Variants in LIMCH1 observed in about 807,000 individuals in gnomAD.
LIMCH1 encodes the protein LIM and calponin homology domains 1, also known as LIM and calponin homology domains-containing protein 1.
A neutral mutation model predicts 176.5 loss-of-function variants in LIMCH1; 113 were observed. The ratio of observed to expected loss-of-function variants is 0.64; its 90% CI spans 0.55 to 0.75. The LOEUF (loss-of-function observed/expected upper bound fraction) is 0.75, where lower values mean the gene tolerates loss of function less well. LIMCH1 is among the 30% of genes least tolerant of loss of function. The probability of loss-of-function intolerance (pLI) is 0.00; values close to 1 mark genes in which losing one functional copy is unlikely to be tolerated. For missense variants in LIMCH1, 1,674 were observed against 1,814.9 expected (o/e 0.92, Z 1.41); for synonymous variants, 619 against 645.9 (o/e 0.96, Z 0.63).
intron 1 of LIMCH1, among the ~76,000 whole-genome samples, chr4:41,404,481 A>G (rs1418702013): frequency 2.6e-5 from 4 of 152,118 alleles, no homozygotes; most frequent in African/African-American, 9.7e-5. Context: ...TTTCTTTTAA[A>G]AAAATTGATT....
At chr4:41,435,886 A>G (rs2062028461) in intron 1 of LIMCH1, among the ~76,000 whole-genome samples, 1 of 152,166 alleles carries the variant, frequency 6.6e-6, no homozygotes, top group Non-Finnish European at 1.5e-5. Context: ...TATTGTAGCA[A>G]CTTATTGACA....
chr4:41,646,263 A>C lies in LIMCH1; in HGVS notation c.2394A>C (p.Arg798Ser). The C allele has an allele frequency of 3.1e-6, 5 of 1,609,742 alleles. No homozygotes were observed. Among genetic ancestry groups the C allele is most frequent in the Admixed American group, 1.7e-5 (1 of 58,962 alleles). The change falls in exon 16 of 32, where the codon AGA becomes AGC. Residue 798 changes from arginine to serine, a missense_variant. Arg to Ser is a moderately radical substitution (Grantham distance 110, BLOSUM62 -1). Around this residue, in one of 3 missense-constraint regions of LIMCH1, gnomAD observed 1,015 missense variants for 1,102.5 expected, o/e 0.92. Coordinates refer to ENST00000503057, the MANE Select transcript of LIMCH1 (RefSeq NM_001330672.2). ...SERRKSIKTYREIVQEKERRE... is the reference protein window; with the variant it reads ...SERRKSIKTYSEIVQEKERRE... ...GAAGGAAAAGCATCAAAACCTACAGAGAAATTGTTCAAGAAAAGTGAGTTC... is the reference window on the plus strand; with the variant it reads ...GAAGGAAAAGCATCAAAACCTACAGCGAAATTGTTCAAGAAAAGTGAGTTC...
chr4:41,685,977 A>G, intron 28 of LIMCH1, 147 bp downstream of exon 28: 1 of 833,208 alleles, frequency 1.2e-6, no homozygotes. Flanking sequence ...CAAGGTAGTC[A>G]ATATAAATGG....
chr4:41,616,334 C>A (rs1257096118), intron 5 of LIMCH1, among the ~76,000 whole-genome samples: 2 of 151,744 alleles, frequency 1.3e-5, no homozygotes, highest in African/African-American at 4.8e-5. Flanking sequence ...TCAAGACCAG[C>A]CTGGCCAACC....
chr4:41,457,294 G>C (rs1388517451), intron 1 of LIMCH1, among the ~76,000 whole-genome samples: 1 of 152,098 alleles, frequency 6.6e-6, no homozygotes, highest in East Asian at 1.9e-4. Flanking sequence ...AATAGGTATA[G>C]ACAGTTTATT....
In LIMCH1 at chr4:41,620,687, C is replaced by G; in HGVS notation, c.722C>G (p.Ala241Gly). The G allele has an allele frequency of 6.5e-7, 1 of 1,533,122 alleles. No homozygotes were observed. Among genetic ancestry groups the G allele is most frequent in the Middle Eastern group, 1.7e-4 (1 of 5,740 alleles). 95.0% of individuals were successfully genotyped at this position (1,533,122 alleles called of 1,614,324 possible). The stretch of plus-strand genomic sequence containing the variant: ...GTCATGCCAGCAGCACAGCGCTTTG[C>G]CAGGTCAGCTCTGGGCTGAGGGCTG... Reference protein sequence around the residue: ...IKVMPAAQRFASQKQLSEEKE... With the variant: ...IKVMPAAQRFGSQKQLSEEKE... Residue 241 changes from alanine to glycine, a missense_variant, in exon 7 of 32, where the codon GCC (alanine) becomes GGC (glycine). Around this residue, in one of 3 missense-constraint regions of LIMCH1, gnomAD observed 655 missense variants for 692.2 expected, o/e 0.95. Coordinates refer to ENST00000503057, the MANE Select transcript of LIMCH1 (RefSeq NM_001330672.2).
intron 2 of LIMCH1, among the ~76,000 whole-genome samples, chr4:41,513,089 G>A (rs1186937792): frequency 1.3e-5 from 2 of 152,056 alleles, no homozygotes; most frequent in Non-Finnish European, 1.5e-5. Context: ...ATGTTTCATA[G>A]ATTGATATTT....
intron 18 of LIMCH1, among the ~76,000 whole-genome samples, chr4:41,658,488 A>G (rs143670837): frequency 2.6e-4 from 40 of 152,334 alleles, no homozygotes; most frequent in African/African-American, 7.9e-4. Context: ...GGAATGTGGT[A>G]TGCTGGTACA....
upstream of LIMCH1, among the ~76,000 whole-genome samples, chr4:41,534,941 G>A (rs986202212): frequency 1.3e-5 from 2 of 151,884 alleles, no homozygotes; most frequent in East Asian, 1.9e-4. Context: ...GCAGGTGATC[G>A]CTTGAGCCCA....
chr4:41,658,367 G>A (rs2094521675), intron 18 of LIMCH1, among the ~76,000 whole-genome samples: 1 of 152,212 alleles, frequency 6.6e-6, no homozygotes, highest in South Asian at 2.1e-4. Flanking sequence ...TTTAAGGTAA[G>A]TTATCTGGAG....
intron 31 of LIMCH1, among the ~76,000 whole-genome samples, chr4:41,694,695 T>G (rs773127483): frequency 3.3e-5 from 5 of 152,210 alleles, no homozygotes; most frequent in Non-Finnish European, 7.4e-5. Context: ...AATATTATTT[T>G]TAAATGAACA....
chr4:41,515,497 A>G (rs1438832462), intron 2 of LIMCH1, among the ~76,000 whole-genome samples: 1 of 152,240 alleles, frequency 6.6e-6, no homozygotes, highest in Non-Finnish European at 1.5e-5. Flanking sequence ...GGAGGGCTGC[A>G]TTGAAATCTG....
rs1464205964 is a variant in LIMCH1, at chr4:41,613,687, C to T, written c.205+26C>T. 2.5e-6 allele frequency: 4 copies of T among 1,594,774 alleles called. No individual in the cohort carries two copies. In the African/African-American group the frequency reaches 5.4e-5, roughly 21 times the overall value. ...GTAGGTTGGAGTCTTAATAAACTAT[C>T]CATCTTGAAATTAAACATTTGCAGG... On this transcript the variant is annotated intron_variant, in intron 5 of 31. Coordinates refer to ENST00000503057, the MANE Select transcript of LIMCH1 (RefSeq NM_001330672.2).
At chr4:41,619,617 G>A (rs1010190199) in intron 6 of LIMCH1, 177 bp downstream of exon 6, 26 of 777,424 alleles carry the variant, frequency 3.3e-5, no homozygotes, top group East Asian at 5.4e-5. Context: ...TAGAAGCTTC[G>A]TGAGTGCGCC....
chr4:41,648,980 G>A (rs2094180740), intron 17 of LIMCH1, among the ~76,000 whole-genome samples: 2 of 152,158 alleles, frequency 1.3e-5, no homozygotes, highest in Admixed American at 1.3e-4. Context: ...GTGTGTGTGT[G>A]TGCTGAGTTG....
chr4:41,482,722 G>A (rs917410157), intron 1 of LIMCH1, among the ~76,000 whole-genome samples: 1 of 152,160 alleles, frequency 6.6e-6, no homozygotes, highest in African/African-American at 2.4e-5. Flanking sequence ...TGCCAATAAT[G>A]ATAATGGAAT....
intron 2 of LIMCH1, among the ~76,000 whole-genome samples, chr4:41,505,041 G>A (rs914308678): frequency 1.3e-5 from 2 of 152,142 alleles, no homozygotes; most frequent in African/African-American, 4.8e-5. Context: ...ATCCATATAG[G>A]ATTGTTCTGA....
intron 17 of LIMCH1, among the ~76,000 whole-genome samples, chr4:41,648,308 G>T (rs1450254900): frequency 6.6e-6 from 1 of 152,282 alleles, no homozygotes; most frequent in South Asian, 2.1e-4. Context: ...TTAAACAGAA[G>T]GATTAGCATA....
intron 2 of LIMCH1, among the ~76,000 whole-genome samples, chr4:41,508,648 G>C (rs1335210999): frequency 6.6e-6 from 1 of 152,208 alleles, no homozygotes; most frequent in African/African-American, 2.4e-5. Context: ...CTGGGTCATG[G>C]GTGGGAGAAA....
Sources: gnomAD v4.1 joint callset for allele counts (sites outside exome capture counted in the v4.1 genomes callset) on GRCh38, gnomAD v4.1.1 for gene constraint, gnomAD v4.1.1 regional missense constraint, MANE v1.5 for transcripts, NCBI Gene and HGNC (gene_info 2026-07-23, HGNC 2026-07-21) for gene names.